NCKAP1: variants seen among roughly 807,000 people sequenced by gnomAD.
NCKAP1 encodes NCK associated protein 1, also known as nck-associated protein 1.
Under a neutral mutation model 151.2 loss-of-function variants are expected in NCKAP1, and 21 were observed. The observed-to-expected ratio is 0.14, with a 90% CI of 0.10 to 0.20. The LOEUF is 0.20. NCKAP1 is among the 10% of genes least tolerant of loss of function. The probability of loss-of-function intolerance (pLI) is 1.00; values close to 1 mark genes in which losing one functional copy is unlikely to be tolerated. For synonymous variants in NCKAP1, 484 were observed against 451.8 expected, an observed-to-expected ratio of 1.07 and a Z score of -0.90; for missense variants, 933 against 1,352.1, an observed-to-expected ratio of 0.69 and a Z score of 4.86.
At chr2:182,946,273 G>C (rs953507163) in intron 23 of NCKAP1, among the ~76,000 whole-genome samples, 1 of 152,016 alleles carries the variant, frequency 6.6e-6, no homozygotes, top group Non-Finnish European at 1.5e-5. Context: ...GGCGGTCGGC[G>C]CCTGTAGTCC....
At chr2:182,986,374 A>C in intron 9 of NCKAP1, 147 bp from the exon 10 acceptor site, 1 of 634,454 alleles carries the variant, frequency 1.6e-6, no homozygotes, top group Middle Eastern at 4.3e-4. Flanking sequence ...GAATCTACCC[A>C]CACTTTTTCC....
chr2:183,007,226 A>T (rs1308289087), intron 2 of NCKAP1, among the ~76,000 whole-genome samples: 2 of 152,222 alleles, frequency 1.3e-5, no homozygotes, highest in Non-Finnish European at 2.9e-5. Context: ...CAAATATTTT[A>T]GCAAAGAATT....
intron 24 of NCKAP1, 76 bp from the exon 25 acceptor site, chr2:182,935,451 C>A: frequency 3.7e-6 from 3 of 805,172 alleles, no homozygotes; most frequent in South Asian, 5.0e-5. Context: ...GGAAAAAAAT[C>A]TAAATTTATT....
Position 183,023,843 on chromosome 2 carries a change from A to C in NCKAP1, c.182T>G (p.Val61Gly), listed in dbSNP as rs936186324. The C allele has an allele frequency of 3.1e-6, 5 of 1,613,528 alleles. No individual in the cohort carries two copies. Among genetic ancestry groups the C allele is most frequent in the Non-Finnish European group, 4.2e-6 (5 of 1,179,550 alleles). The change falls in exon 2 of 31, where the codon GTC becomes GGC. Residue 61 changes from valine (V) to glycine (G), a missense_variant. By Grantham distance (109) the Val-to-Gly change is moderately radical. This residue lies in a region of NCKAP1 where 607 missense variants were observed against 795.0 expected (regional missense o/e 0.76). Coordinates refer to ENST00000361354, the MANE Select transcript of NCKAP1 (RefSeq NM_013436.5). ...KNLESAVKFI[V>G]RKFPAVETRN... ...GGTTTCTACAGCAGGGAATTTTCTG[A>C]CTATGAATTTCACAGCAGATTCCAG... is the stretch of plus-strand genomic sequence containing the variant.
intron 16 of NCKAP1, among the ~76,000 whole-genome samples, chr2:182,966,141 T>C (rs377487230): frequency 2.2e-4 from 34 of 152,166 alleles, no homozygotes; most frequent in Admixed American, 1.3e-4. Flanking sequence ...ACTGAGATCA[T>C]TTCAGCATTT....
intron 2 of NCKAP1, among the ~76,000 whole-genome samples, chr2:183,019,254 G>C (rs1389509589): frequency 6.6e-6 from 1 of 151,886 alleles, no homozygotes. Flanking sequence ...TGTGCAATAG[G>C]CTAATTCCAT....
Position 182,930,548 on chromosome 2 carries a change from T to C in NCKAP1, c.2953+147A>G, listed in dbSNP as rs1038003113. 57 of 656,268 alleles carry C rather than the reference T, an allele frequency of 8.7e-5. 1 individual carries two copies. The highest frequency in any genetic ancestry group is 1.8e-5 in the African/African-American group (1 of 54,524). 40.7% of individuals were successfully genotyped at this position (656,268 alleles called of 1,614,324 possible). ...GATGTTTGTGTTTTATGCACTGATA[T>C]AGTCCAAGTACCAGCAATAATAATA... On this transcript the variant is annotated intron_variant, in intron 27 of 30. Transcript: ENST00000361354.
chr2:183,009,504 A>AGGCAAGCAAGC (rs1698550940), intron 2 of NCKAP1, among the ~76,000 whole-genome samples: 1 of 152,140 alleles, frequency 6.6e-6, no homozygotes, highest in African/African-American at 2.4e-5. Context: ...GCAAGCAAGC[A>AGGCAAGCAAGC]AGGTTGGTTA....
chr2:182,911,416 A>G lies in NCKAP1; in HGVS notation c.*14286T>C, dbSNP rs1057022607. The stretch of plus-strand genomic sequence containing the variant: ...ATTAATTCACAAAACAGCCTATACT[A>G]TATGAATAAGACCAAAAAATGGCCA... On this transcript the variant is annotated 3_prime_UTR_variant, in exon 31 of 31. Coordinates refer to ENST00000361354, the MANE Select transcript of NCKAP1 (RefSeq NM_013436.5). 3.9e-5 allele frequency: 6 copies of G among 152,228 alleles called. No individual in the cohort carries two copies. Among genetic ancestry groups the G allele is most frequent in the African/African-American group, 1.4e-4 (6 of 41,466 alleles). 9.4% of individuals were successfully genotyped at this position (152,228 alleles called of 1,614,324 possible).
chr2:183,023,711 A>C (rs746433084), intron 2 of NCKAP1, 95 bp downstream of exon 2: 12 of 939,248 alleles, frequency 1.3e-5, no homozygotes, highest in Non-Finnish European at 1.6e-5. Flanking sequence ...AATGTTAAAA[A>C]TTAGGTAAAT....
In NCKAP1 at chr2:182,909,158, T is replaced by C. The variant is rs1372227936; in HGVS notation, c.*16544A>G. On this transcript the variant is annotated 3_prime_UTR_variant, in exon 31 of 31. Transcript: ENST00000361354. ...TTTATTTTGACACCACCAAAAGGAA[T>C]GTAGATCTCTCTGTTTTGATCTGGA... is the stretch of plus-strand genomic sequence containing the variant. 1.3e-5 allele frequency: 2 copies of C among 152,246 alleles called. No homozygotes were observed. The highest frequency in any genetic ancestry group is 2.9e-5 in the Non-Finnish European group (2 of 68,046). 9.4% of individuals were successfully genotyped at this position (152,246 alleles called of 1,614,324 possible).
Position 182,916,365 on chromosome 2 carries a change from C to G in NCKAP1, c.*9337G>C, listed in dbSNP as rs943626536. 2 of 152,038 alleles carry G rather than the reference C, an allele frequency of 1.3e-5. No homozygotes were observed. Among genetic ancestry groups the G allele is most frequent in the Non-Finnish European group, 2.9e-5 (2 of 68,024 alleles). The allele number at this position is 152,038 out of a possible 1,614,324, so 9.4% of individuals were successfully genotyped here. A position where few individuals can be genotyped will look rare whatever the true frequency, so the allele number is the denominator to read the frequency against. On this transcript the variant is annotated 3_prime_UTR_variant, in exon 31 of 31. Transcript: ENST00000361354. ...CTGTAGCATCTGTCCAGCCACTGGC[C>G]TTTCCTAACTTAAAGTAAGATTCTG...
intron 24 of NCKAP1, 49 bp downstream of exon 24, chr2:182,942,021 G>T: frequency 7.0e-7 from 1 of 1,434,914 alleles, no homozygotes; most frequent in Non-Finnish European, 9.6e-7. Flanking sequence ...GCTAAATACT[G>T]AGTATCAAGA....
rs532439714 is a variant in NCKAP1 at position 182,965,700 on chromosome 2, C to T, written c.1629-892G>A. ...ATGACTGAAAATTACAAATTTCAAACATTATTCAAAGTGCTTTTAGTTCCA... is the reference window on the plus strand; with the variant it reads ...ATGACTGAAAATTACAAATTTCAAATATTATTCAAAGTGCTTTTAGTTCCA... On this transcript the variant is annotated intron_variant, in intron 16 of 30. Coordinates refer to ENST00000361354, the MANE Select transcript of NCKAP1 (RefSeq NM_013436.5). Among the ~76,000 whole-genome samples the T allele has an allele frequency of 2.6e-5, 4 of 152,134 alleles. No homozygotes were observed. The South Asian group carries it at 8.3e-4, about 31-fold the overall frequency.
intron 30 of NCKAP1, among the ~76,000 whole-genome samples, 181 bp from the exon 31 acceptor site, chr2:182,925,999 C>T (rs1182778153): frequency 1.3e-5 from 2 of 151,896 alleles, no homozygotes; most frequent in Non-Finnish European, 2.9e-5. Context: ...GTAAATGTGC[C>T]ACAGTGAATG....
intron 2 of NCKAP1, among the ~76,000 whole-genome samples, chr2:183,019,253 G>C (rs1169978347): frequency 6.6e-6 from 1 of 151,818 alleles, no homozygotes; most frequent in African/African-American, 2.4e-5. Flanking sequence ...ATGTGCAATA[G>C]GCTAATTCCA....
At chr2:182,987,877 G>A (rs947691340) in intron 9 of NCKAP1, among the ~76,000 whole-genome samples, 1 of 152,118 alleles carries the variant, frequency 6.6e-6, no homozygotes, top group Non-Finnish European at 1.5e-5. Flanking sequence ...ACTTGAGAAA[G>A]GAGTGGGGGG....
chr2:182,935,407 T>G, intron 24 of NCKAP1, 32 bp from the exon 25 acceptor site: 1 of 1,326,436 alleles, frequency 7.5e-7, no homozygotes, highest in Non-Finnish European at 1.0e-6. Context: ...GAGAAGAGAA[T>G]AAAAAAGTGT....
At chr2:182,962,104 AT>A in intron 18 of NCKAP1, 54 bp downstream of exon 18, 1 of 1,546,354 alleles carries the variant, frequency 6.5e-7, no homozygotes, top group Admixed American at 1.9e-5. Flanking sequence ...CTAAAAGCAC[AT>A]TTTCTTGCCT....
Sources: allele counts gnomAD v4.1 joint callset (sites outside exome capture counted in the v4.1 genomes callset), GRCh38; gene constraint gnomAD v4.1.1; regional missense constraint gnomAD v4.1.1; transcripts MANE v1.5; gene names NCBI Gene and HGNC (gene_info 2026-07-23, HGNC 2026-07-21).